PBX1: variants seen among roughly 807,000 people sequenced by gnomAD.
PBX1 encodes PBX homeobox 1.
A neutral mutation model predicts 53.4 loss-of-function variants in PBX1; 6 were observed. That is an observed-to-expected ratio of 0.11 (90% confidence interval 0.06 to 0.22). The LOEUF is 0.22. Ranked by LOEUF, PBX1 falls within the 10% of genes least tolerant of loss-of-function variation. The pLI is 1.00. For synonymous variants in PBX1, 204 were observed against 212.3 expected (o/e 0.96, Z 0.34); for missense variants, 251 against 551.4 (o/e 0.46, Z 5.46).
chr1:164,846,685 C>T lies in PBX1; in HGVS notation c.*9C>T. On this transcript the variant is annotated 3_prime_UTR_variant, in exon 9 of 9. Coordinates refer to ENST00000420696, the MANE Select transcript of PBX1 (RefSeq NM_002585.4). ...CTGATACCTCCAACTGATCTCCCAGCAATCGCATCCCGGCTGACCCTGTGC... is the reference window on the plus strand; with the variant it reads ...CTGATACCTCCAACTGATCTCCCAGTAATCGCATCCCGGCTGACCCTGTGC... 1.2e-6 allele frequency: 2 copies of T among 1,614,088 alleles called. No homozygotes were observed. The highest frequency in any genetic ancestry group is 1.7e-6 in the Non-Finnish European group (2 of 1,179,964).
intron 2 of PBX1, among the ~76,000 whole-genome samples, chr1:164,734,062 C>T (rs893761127): frequency 6.6e-6 from 1 of 152,110 alleles, no homozygotes; most frequent in Non-Finnish European, 1.5e-5. Flanking sequence ...TGTATGTGTG[C>T]TCTGTATTTT....
At chr1:164,611,889 A>T (rs1480184593) in intron 2 of PBX1, among the ~76,000 whole-genome samples, 6 of 152,008 alleles carry the variant, frequency 3.9e-5, no homozygotes, top group African/African-American at 1.4e-4. Context: ...GCAAGAGGAG[A>T]GCTGACAGCC....
At chr1:164,732,365 C>A (rs1665041015) in intron 2 of PBX1, among the ~76,000 whole-genome samples, 1 of 152,122 alleles carries the variant, frequency 6.6e-6, no homozygotes, top group African/African-American at 2.4e-5. Flanking sequence ...CTCAGTTTTG[C>A]CAGTTAATGT....
chr1:164,790,118 C>A (rs1260593063), intron 2 of PBX1, among the ~76,000 whole-genome samples: 1 of 152,278 alleles, frequency 6.6e-6, no homozygotes, highest in East Asian at 1.9e-4. Flanking sequence ...AGATTCTTTT[C>A]GGTGCCTTTA....
intron 2 of PBX1, among the ~76,000 whole-genome samples, chr1:164,650,015 G>A (rs1194116304): frequency 2.0e-5 from 3 of 152,152 alleles, no homozygotes; most frequent in African/African-American, 7.2e-5. Context: ...GAGAGAAAGA[G>A]TTGAAGGTTT....
intron 2 of PBX1, among the ~76,000 whole-genome samples, chr1:164,649,153 G>A (rs559218692): frequency 2.0e-5 from 3 of 152,140 alleles, no homozygotes; most frequent in Non-Finnish European, 4.4e-5. Context: ...ACCGCCATGC[G>A]CTTAGTCACT....
chr1:164,835,553 G>A (rs953813696), intron 8 of PBX1, among the ~76,000 whole-genome samples: 3 of 151,962 alleles, frequency 2.0e-5, no homozygotes, highest in Non-Finnish European at 4.4e-5. Flanking sequence ...TGTATCCCTT[G>A]GGTTGCTAGT....
At chr1:164,680,013 TTAAC>T (rs1042653557) in intron 2 of PBX1, 20 of 152,282 alleles carry the variant, frequency 1.3e-4, no homozygotes, top group African/African-American at 4.6e-4. Context: ...CGTGAATTAA[TTAAC>T]AATTTCTTCC....
chr1:164,618,200 G>A (rs1041021719), intron 2 of PBX1, among the ~76,000 whole-genome samples: 1 of 148,474 alleles, frequency 6.7e-6, no homozygotes, highest in Non-Finnish European at 1.5e-5. Context: ...CCTCCTCCCC[G>A]CCTCCCCACC....
intron 2 of PBX1, among the ~76,000 whole-genome samples, chr1:164,590,886 C>T (rs1471988369): frequency 1.3e-5 from 2 of 152,142 alleles, no homozygotes; most frequent in Admixed American, 6.5e-5. Flanking sequence ...ACTCTGTCAC[C>T]CAGGCTGGAG....
At chr1:164,766,469 C>T (rs928394591) in intron 2 of PBX1, among the ~76,000 whole-genome samples, 1 of 152,132 alleles carries the variant, frequency 6.6e-6, no homozygotes, top group African/African-American at 2.4e-5. Flanking sequence ...CCATCCCTTA[C>T]ACATATTGTG....
At chr1:164,593,837 T>G (rs1388459510) in intron 2 of PBX1, among the ~76,000 whole-genome samples, 3 of 152,206 alleles carry the variant, frequency 2.0e-5, no homozygotes, top group African/African-American at 7.2e-5. Flanking sequence ...TCTGCATGAC[T>G]GTTCTGAGAA....
intron 2 of PBX1, among the ~76,000 whole-genome samples, chr1:164,643,584 G>C (rs758000157): frequency 2.6e-5 from 4 of 152,154 alleles, no homozygotes; most frequent in Non-Finnish European, 4.4e-5. Flanking sequence ...CTGCAGCACT[G>C]TTTGTTTCCA....
At chr1:164,701,322 C>A (rs1278772743) in intron 2 of PBX1, among the ~76,000 whole-genome samples, 1 of 152,202 alleles carries the variant, frequency 6.6e-6, no homozygotes, top group Non-Finnish European at 1.5e-5. Context: ...CAATTGTTAT[C>A]TCAGATATGG....
chr1:164,883,276 C>G (rs1040462022), intron 2 of PBX1, among the ~76,000 whole-genome samples: 1 of 152,028 alleles, frequency 6.6e-6, no homozygotes, highest in Non-Finnish European at 1.5e-5. Flanking sequence ...CGCCTCTCAC[C>G]CATAAAAAAA....
intron 2 of PBX1, among the ~76,000 whole-genome samples, chr1:164,673,413 G>A (rs1344908486): frequency 6.7e-6 from 1 of 150,202 alleles, no homozygotes; most frequent in Admixed American, 6.6e-5. Flanking sequence ...ACGTCTCTCC[G>A]CTTTCATCAG....
intron 2 of PBX1, among the ~76,000 whole-genome samples, chr1:164,600,246 C>CTT (rs71097539): frequency 0.044 from 5,293 of 121,174 alleles, 373 homozygotes; most frequent in Non-Finnish European, 0.063. Context: ...TATGCTGCTG[C>CTT]TTTTTTTTTT....
At chr1:164,657,958 G>C (rs900158743) in intron 2 of PBX1, among the ~76,000 whole-genome samples, 3 of 152,038 alleles carry the variant, frequency 2.0e-5, no homozygotes, top group African/African-American at 7.2e-5. Context: ...AGTAGCTTTG[G>C]GTATGGCCTC....
chr1:164,707,418 T>TGTGTGTGTGAGAGAGAGAGA (rs58617739), intron 2 of PBX1, among the ~76,000 whole-genome samples: 4 of 118,214 alleles, frequency 3.4e-5, no homozygotes, highest in Admixed American at 1.6e-4. Flanking sequence ...TGTGTGTGTG[T>TGTGTGTGTGAGAGAGAGAGA]GAGAGAGAGA....
Sources: allele counts gnomAD v4.1 joint callset (sites outside exome capture counted in the v4.1 genomes callset), GRCh38; gene constraint gnomAD v4.1.1; transcripts MANE v1.5; gene names NCBI Gene and HGNC (gene_info 2026-07-23, HGNC 2026-07-21).